The following AKAP13 variants were observed in gnomAD, a reference collection of about 807,000 sequenced individuals.
AKAP13 encodes the protein A-kinase anchoring protein 13.
Under a neutral mutation model 264.5 loss-of-function variants are expected in AKAP13, and 80 were observed. The observed-to-expected ratio is 0.30, with a 90% CI of 0.25 to 0.36. The LOEUF is 0.36. Ranked by LOEUF, AKAP13 falls within the 10% of genes least tolerant of loss-of-function variation. AKAP13 has a pLI of 1.00. For missense variants in AKAP13, 3,712 were observed against 3,435.2 expected, an observed-to-expected ratio of 1.08 and a Z score of -2.01; for synonymous variants, 1,380 against 1,250.2, an observed-to-expected ratio of 1.10 and a Z score of -2.19.
intron 8 of AKAP13, among the ~76,000 whole-genome samples, chr15:85,600,755 A>G (rs1185879174): frequency 6.6e-6 from 1 of 152,254 alleles, no homozygotes; most frequent in Non-Finnish European, 1.5e-5. Context: ...ACCACAATGA[A>G]TAACTGAGCT....
intron 1 of AKAP13, among the ~76,000 whole-genome samples, chr15:85,442,681 A>G (rs1228957844): frequency 6.6e-6 from 1 of 151,426 alleles, no homozygotes; most frequent in Non-Finnish European, 1.5e-5. Context: ...ACAAGTATGA[A>G]GAAAAAACTT....
At chr15:85,736,979 T>A (rs915276359) in intron 33 of AKAP13, among the ~76,000 whole-genome samples, 2 of 138,602 alleles carry the variant, frequency 1.4e-5, no homozygotes, top group Non-Finnish European at 3.0e-5. Context: ...AGTACGGTGG[T>A]GCGATCTCAG....
chr15:85,396,251 C>T (rs1237387121), intron 1 of AKAP13, among the ~76,000 whole-genome samples: 4 of 152,146 alleles, frequency 2.6e-5, no homozygotes, highest in Non-Finnish European at 5.9e-5. Context: ...AAAATCTATA[C>T]AGCTCTTGCC....
rs950968992 is a variant in AKAP13 at position 85,717,286 on chromosome 15, C to T, written c.5736-4C>T. 2.5e-6 allele frequency: 4 copies of T among 1,595,592 alleles called. No homozygotes were observed. The highest frequency in any genetic ancestry group is 1.1e-5 in the South Asian group (1 of 88,952). On this transcript the variant is annotated splice_region_variant and splice_polypyrimidine_tract_variant and intron_variant, in intron 20 of 36. Coordinates refer to ENST00000394518, the MANE Select transcript of AKAP13 (RefSeq NM_007200.5). The stretch of plus-strand genomic sequence containing the variant: ...GACAGTATGTATTTTTCTTTTGTCC[C>T]CAGAGTTGGCAATGATGAGAACATG...
At chr15:85,744,029 G>A (rs2089257726) in intron 36 of AKAP13, 3 of 597,890 alleles carry the variant, frequency 5.0e-6, no homozygotes, top group South Asian at 2.3e-5. Context: ...CACGTGTGCA[G>A]AAGCAGAGAG....
intron 1 of AKAP13, among the ~76,000 whole-genome samples, chr15:85,448,448 A>C (rs7167596): frequency 0.55 from 83,007 of 151,908 alleles, 23,494 homozygotes; most frequent in African/African-American, 0.66. Context: ...CCCGTTCCTA[A>C]GTCCAGGATG....
At chr15:85,599,542 G>A (rs1477459849) in intron 8 of AKAP13, among the ~76,000 whole-genome samples, 2 of 152,082 alleles carry the variant, frequency 1.3e-5, no homozygotes, top group Non-Finnish European at 2.9e-5. Flanking sequence ...CACTGGTTTT[G>A]GTCTCATCTT....
At chr15:85,454,580 G>T (rs1380409465) in intron 1 of AKAP13, among the ~76,000 whole-genome samples, 1 of 152,006 alleles carries the variant, frequency 6.6e-6, no homozygotes, top group South Asian at 2.1e-4. Flanking sequence ...GTTCCTCTCT[G>T]TGAGAGTCAC....
At chr15:85,573,064 G>A (rs2078879993) in intron 5 of AKAP13, among the ~76,000 whole-genome samples, 1 of 152,178 alleles carries the variant, frequency 6.6e-6, no homozygotes, top group African/African-American at 2.4e-5. Context: ...AGTCTCAGGT[G>A]AATTGTTAAT....
intron 8 of AKAP13, among the ~76,000 whole-genome samples, chr15:85,611,926 T>C (rs2080648771): frequency 6.6e-6 from 1 of 152,210 alleles, no homozygotes; most frequent in South Asian, 2.1e-4. Flanking sequence ...TATTAAGTCT[T>C]CCATCAAGTC....
At chr15:85,435,494 A>G (rs2073242195) in intron 1 of AKAP13, among the ~76,000 whole-genome samples, 1 of 79,574 alleles carries the variant, frequency 1.3e-5, no homozygotes, top group Admixed American at 1.5e-4. Flanking sequence ...CGAGAAGAGC[A>G]ACTCCAAGAC....
At position 85,578,928 on chromosome 15, in the gene AKAP13, A is replaced by G; in HGVS notation, c.862-2A>G. On this transcript the variant is annotated splice_acceptor_variant, in intron 6 of 36. Coordinates refer to ENST00000394518, the MANE Select transcript of AKAP13 (RefSeq NM_007200.5). LOFTEE classifies it high-confidence loss of function. ...TTAAAAGTGTATTTCATTTCCTCCT[A>G]GAAAACAAACCTCAAGCAGATGGAC... The G allele has an allele frequency of 1.2e-6, 2 of 1,602,078 alleles. No individual in the cohort carries two copies. Among genetic ancestry groups the G allele is most frequent in the Non-Finnish European group, 1.7e-6 (2 of 1,171,452 alleles).
intron 5 of AKAP13, among the ~76,000 whole-genome samples, chr15:85,552,434 T>C (rs1317339611): frequency 6.6e-6 from 1 of 152,208 alleles, no homozygotes; most frequent in Non-Finnish European, 1.5e-5. Context: ...AATAATCATT[T>C]TGACAAGGTT....
intron 29 of AKAP13, among the ~76,000 whole-genome samples, chr15:85,728,320 G>C (rs2087742930): frequency 6.6e-6 from 1 of 152,228 alleles, no homozygotes; most frequent in Non-Finnish European, 1.5e-5. Flanking sequence ...AAGCCATACA[G>C]ATGATAGCAT....
chr15:85,409,579 T>A (rs1474466103), intron 1 of AKAP13, among the ~76,000 whole-genome samples: 2 of 151,750 alleles, frequency 1.3e-5, no homozygotes, highest in East Asian at 3.9e-4. Context: ...ATTCTGTGGG[T>A]TGCCTTTTCA....
At chr15:85,493,792 G>C (rs904405252) in intron 2 of AKAP13, among the ~76,000 whole-genome samples, 6 of 152,046 alleles carry the variant, frequency 3.9e-5, no homozygotes, top group Admixed American at 3.9e-4. Context: ...TGTCCTAGAC[G>C]GGGTAAGGGA....
In AKAP13 at chr15:85,693,295, G is replaced by T; in HGVS notation, c.5308G>T (p.Asp1770Tyr). 6.3e-7 allele frequency: 1 copy of T among 1,594,462 alleles called. No homozygotes were observed. The highest frequency in any genetic ancestry group is 1.7e-4 in the Middle Eastern group (1 of 5,988). Residue 1770 changes from aspartate (D) to tyrosine (Y), a missense_variant, in exon 17 of 37, where the codon GAT (aspartate) becomes TAT (tyrosine). This residue lies in a region of AKAP13 where 2,759 missense variants were observed against 2,411.7 expected (regional missense o/e 1.14). Coordinates refer to ENST00000394518, the MANE Select transcript of AKAP13 (RefSeq NM_007200.5). ...TCGGCAGGAAAAGGAAAAAGAAAAA[G>T]ATAAGATTAAGGAGAAGGAGAAAGA... ...KKSKEKEKEKDKIKEKEKDSK... is the reference protein window; with the variant it reads ...KKSKEKEKEKYKIKEKEKDSK...
At position 85,581,948 on chromosome 15, in the gene AKAP13, A is replaced by G. The variant is rs754302074; in HGVS notation, c.3880A>G (p.Ser1294Gly). Reference protein sequence around the residue: ...ELGPLTKGLESAFTEKVSTFP... With the variant: ...ELGPLTKGLEGAFTEKVSTFP... ...GGGTCCTCTCACTAAAGGACTAGAG[A>G]GTGCTTTTACAGAAAAAGTGAGTAC... The change falls in exon 7 of 37, where the codon AGT becomes GGT. Residue 1294 changes from serine to glycine, a missense_variant. By Grantham distance (56) the Ser-to-Gly change is moderately conservative. This residue lies in a region of AKAP13 where 2,759 missense variants were observed against 2,411.7 expected (regional missense o/e 1.14). Transcript: ENST00000394518. 6 of 1,614,124 alleles carry G rather than the reference A, an allele frequency of 3.7e-6. No individual in the cohort carries two copies. The highest frequency in any genetic ancestry group is 4.2e-6 in the Non-Finnish European group (5 of 1,180,000).
intron 35 of AKAP13, 32 bp downstream of exon 35, chr15:85,741,527 T>C (rs2088962673): frequency 6.5e-7 from 1 of 1,536,748 alleles, no homozygotes. Flanking sequence ...AGCAACCTAA[T>C]GATGATATTA....
Sources: allele counts gnomAD v4.1 joint callset (sites outside exome capture counted in the v4.1 genomes callset), GRCh38; gene constraint gnomAD v4.1.1; regional missense constraint gnomAD v4.1.1; transcripts MANE v1.5; gene names NCBI Gene and HGNC (gene_info 2026-07-23, HGNC 2026-07-21).